The following LINGO2 variants were observed in gnomAD, a reference collection of about 807,000 sequenced individuals.
LINGO2 encodes leucine-rich repeat and immunoglobulin-like domain-containing nogo receptor-interacting protein 2.
In LINGO2, 14 loss-of-function variants were observed where a neutral mutation model predicts 30.6. The ratio of observed to expected loss-of-function variants is 0.46; its 90% CI spans 0.30 to 0.72. The LOEUF is 0.72. LINGO2 is among the 30% of genes least tolerant of loss of function. The pLI is 0.07. For synonymous variants in LINGO2, 317 were observed against 288.5 expected (o/e 1.10, Z -1.00); for missense variants, 729 against 751.7 (o/e 0.97, Z 0.35).
chr9:28,890,629 T>G, the LINGO2 span, among the ~76,000 whole-genome samples: 1 of 152,092 alleles, frequency 6.6e-6, no homozygotes, highest in Non-Finnish European at 1.5e-5. Flanking sequence ...GGGAAGGAAG[T>G]AGACCCCACT....
At chr9:28,000,989 C>G (rs1821921165) in intron 5 of LINGO2, among the ~76,000 whole-genome samples, 1 of 152,196 alleles carries the variant, frequency 6.6e-6, no homozygotes, top group Admixed American at 6.6e-5. Context: ...ATTACTTTTA[C>G]AAAATATTTT....
At chr9:28,831,739 T>A in the LINGO2 span, among the ~76,000 whole-genome samples, 1 of 152,154 alleles carries the variant, frequency 6.6e-6, no homozygotes, top group East Asian at 1.9e-4. Context: ...AGCTACAATT[T>A]CAGTAATATA....
intron 2 of LINGO2, among the ~76,000 whole-genome samples, chr9:28,412,033 C>T (rs909339379): frequency 2.0e-5 from 3 of 151,516 alleles, no homozygotes; most frequent in Admixed American, 2.0e-4. Flanking sequence ...TTTTAGTGTA[C>T]CCATTACCTG....
intron 2 of LINGO2, among the ~76,000 whole-genome samples, chr9:28,442,705 T>C (rs1824248310): frequency 6.6e-6 from 1 of 152,158 alleles, no homozygotes; most frequent in Non-Finnish European, 1.5e-5. Flanking sequence ...AGGCTTCTGC[T>C]AGGTAATTAG....
chr9:28,616,856 T>G (rs2135806851), intron 1 of LINGO2, among the ~76,000 whole-genome samples: 1 of 152,348 alleles, frequency 6.6e-6, no homozygotes, highest in South Asian at 2.1e-4. Flanking sequence ...TCTGAACTTC[T>G]GTTTTAAAGT....
chr9:28,789,098 A>G, the LINGO2 span, among the ~76,000 whole-genome samples: 1 of 152,170 alleles, frequency 6.6e-6, no homozygotes, highest in African/African-American at 2.4e-5. Flanking sequence ...CAGATTTTGG[A>G]TAAACTTAGA....
chr9:28,882,642 C>G, the LINGO2 span, among the ~76,000 whole-genome samples: 1 of 152,112 alleles, frequency 6.6e-6, no homozygotes, highest in African/African-American at 2.4e-5. Flanking sequence ...TTCATTATAA[C>G]CATCTCACAC....
chr9:28,282,413 T>C (rs1823359892), intron 4 of LINGO2, among the ~76,000 whole-genome samples: 5 of 149,126 alleles, frequency 3.4e-5, no homozygotes, highest in Admixed American at 3.3e-4. Flanking sequence ...TCAGGATAGT[T>C]TTTTTTTTTT....
At chr9:29,146,428 G>A in the LINGO2 span, among the ~76,000 whole-genome samples, 1 of 151,904 alleles carries the variant, frequency 6.6e-6, no homozygotes, top group Non-Finnish European at 1.5e-5. Context: ...ACTTAGGTTG[G>A]TGCAAAAGTT....
At chr9:28,056,297 AT>A (rs753034474) in intron 4 of LINGO2, among the ~76,000 whole-genome samples, 77 of 152,096 alleles carry the variant, frequency 5.1e-4, no homozygotes, top group African/African-American at 1.3e-3. Context: ...GGCAGACTCA[AT>A]TTGTCAGTTT....
chr9:28,859,802 G>A, the LINGO2 span, among the ~76,000 whole-genome samples: 3 of 151,782 alleles, frequency 2.0e-5, no homozygotes, highest in African/African-American at 4.8e-5. Context: ...TTTGGTACGT[G>A]CAGTACACCA....
chr9:28,567,692 G>A (rs993907235), intron 1 of LINGO2, among the ~76,000 whole-genome samples: 3 of 151,776 alleles, frequency 2.0e-5, no homozygotes, highest in African/African-American at 4.8e-5. Flanking sequence ...CTACCTTTTC[G>A]GTACTATGTT....
chr9:28,500,059 C>G (rs540529370), intron 1 of LINGO2, among the ~76,000 whole-genome samples: 6 of 152,118 alleles, frequency 3.9e-5, no homozygotes, highest in Non-Finnish European at 8.8e-5. Flanking sequence ...TAGTTCTCAC[C>G]GCTCAGGAGT....
chr9:28,991,203 A>C, the LINGO2 span, among the ~76,000 whole-genome samples: 9 of 152,090 alleles, frequency 5.9e-5, no homozygotes, highest in Non-Finnish European at 1.3e-4. Context: ...ATGGCTCGAG[A>C]ACTACGTGAA....
At chr9:28,685,009 T>C in the LINGO2 span, among the ~76,000 whole-genome samples, 20 of 152,210 alleles carry the variant, frequency 1.3e-4, no homozygotes, top group South Asian at 3.5e-3. Context: ...TAGGCCCCAG[T>C]GTCTGTCGTT....
At chr9:28,870,217 T>C in the LINGO2 span, among the ~76,000 whole-genome samples, 1 of 152,040 alleles carries the variant, frequency 6.6e-6, no homozygotes, top group African/African-American at 2.4e-5. Context: ...GGCACTGCTT[T>C]TTCATAAAAT....
At chr9:29,082,897 A>C in the LINGO2 span, among the ~76,000 whole-genome samples, 30,012 of 151,944 alleles carry the variant, frequency 0.2, 3,101 homozygotes, top group African/African-American at 0.24. Context: ...CATCTCACAC[A>C]AGTTAGAATG....
At chr9:28,944,330 A>G in the LINGO2 span, among the ~76,000 whole-genome samples, 1 of 149,854 alleles carries the variant, frequency 6.7e-6, no homozygotes, top group East Asian at 2.0e-4. Flanking sequence ...ACCTAGATAC[A>G]AAGGGGGCTG....
chr9:28,027,950 A>G (rs960151215), intron 4 of LINGO2, among the ~76,000 whole-genome samples: 6 of 152,136 alleles, frequency 3.9e-5, no homozygotes, highest in Non-Finnish European at 8.8e-5. Context: ...GCCATATCCA[A>G]TTAAAGAGGA....
Sources: gnomAD v4.1 joint callset for allele counts (sites outside exome capture counted in the v4.1 genomes callset) on GRCh38, gnomAD v4.1.1 for gene constraint, MANE v1.5 for transcripts, NCBI Gene and HGNC (gene_info 2026-07-23, HGNC 2026-07-21) for gene names.